Variants in ZNF532 observed in about 807,000 individuals in gnomAD.
ZNF532 encodes zinc finger protein 532.
A neutral mutation model predicts 89.3 loss-of-function variants in ZNF532; 22 were observed. The observed-to-expected ratio is 0.25, with a 90% CI of 0.18 to 0.35. The LOEUF (loss-of-function observed/expected upper bound fraction) is 0.35, where lower values mean the gene tolerates loss of function less well. Ranked by LOEUF, ZNF532 falls within the 10% of genes least tolerant of loss-of-function variation. ZNF532 has a pLI of 1.00. For synonymous variants in ZNF532, 606 were observed against 649.6 expected, an observed-to-expected ratio of 0.93 and a Z score of 1.02; for missense variants, 1,132 against 1,643.4, an observed-to-expected ratio of 0.69 and a Z score of 5.38.
chr18:58,975,298 T>G (rs1470221627), intron 7 of ZNF532, among the ~76,000 whole-genome samples: 1 of 152,138 alleles, frequency 6.6e-6, no homozygotes, highest in South Asian at 2.1e-4. Context: ...GGCTCTTGCA[T>G]GTTGGTGCAA....
intron 2 of ZNF532, among the ~76,000 whole-genome samples, chr18:58,916,111 G>C (rs2060582816): frequency 6.6e-6 from 1 of 152,162 alleles, no homozygotes; most frequent in South Asian, 2.1e-4. Flanking sequence ...TAATCACAGT[G>C]ACCTCCAACT....
intron 2 of ZNF532, among the ~76,000 whole-genome samples, chr18:58,904,918 T>C (rs2059833395): frequency 6.6e-6 from 1 of 151,598 alleles, no homozygotes; most frequent in Non-Finnish European, 1.5e-5. Context: ...CTTCGCTCAC[T>C]GCAACCTCCG....
chr18:58,910,488 A>G (rs1025001458), intron 2 of ZNF532, among the ~76,000 whole-genome samples: 10 of 151,644 alleles, frequency 6.6e-5, no homozygotes, highest in African/African-American at 1.7e-4. Context: ...TTTTTTTGAG[A>G]AAGAGTCTCG....
intron 9 of ZNF532, 29 bp from the exon 10 acceptor site, chr18:58,983,943 T>C (rs2068145605): frequency 6.3e-7 from 1 of 1,582,472 alleles, no homozygotes; most frequent in Non-Finnish European, 8.6e-7. Flanking sequence ...TGGTTTTCAG[T>C]CGTGTCATTT....
At chr18:58,913,433 T>G (rs17756575) in intron 2 of ZNF532, among the ~76,000 whole-genome samples, 30,444 of 151,944 alleles carry the variant, frequency 0.2, 4,105 homozygotes, top group Middle Eastern at 0.37. Flanking sequence ...GATGAAAACA[T>G]GCTAGATCCA....
At chr18:58,963,790 C>CCAG (rs1171971931) in intron 7 of ZNF532, among the ~76,000 whole-genome samples, 1 of 143,410 alleles carries the variant, frequency 7.0e-6, no homozygotes, top group Non-Finnish European at 1.5e-5. Flanking sequence ...TCACTGCACT[C>CCAG]CAGTGTGGGC....
At chr18:58,973,120 CAG>C (rs1420647005) in intron 7 of ZNF532, among the ~76,000 whole-genome samples, 2 of 152,172 alleles carry the variant, frequency 1.3e-5, no homozygotes, top group African/African-American at 4.8e-5. Context: ...TTTTTTGAGA[CAG>C]AGTTTTCACT....
chr18:58,879,242 G>A (rs1244306088), intron 2 of ZNF532, among the ~76,000 whole-genome samples: 1 of 152,144 alleles, frequency 6.6e-6, no homozygotes, highest in Non-Finnish European at 1.5e-5. Context: ...TGTAAAATGC[G>A]ATGCTTTCTA....
intron 3 of ZNF532, among the ~76,000 whole-genome samples, chr18:58,923,172 C>T (rs2061256824): frequency 6.6e-6 from 1 of 152,034 alleles, no homozygotes; most frequent in Non-Finnish European, 1.5e-5. Flanking sequence ...TGCAGCCATC[C>T]ACTCACCTAT....
intron 7 of ZNF532, among the ~76,000 whole-genome samples, chr18:58,960,952 A>G (rs184598507): frequency 1.3e-5 from 2 of 152,356 alleles, no homozygotes; most frequent in East Asian, 3.9e-4. Context: ...TGGCTTAGCT[A>G]AGTTCTATGA....
chr18:58,887,979 T>C (rs549035504), intron 2 of ZNF532, among the ~76,000 whole-genome samples: 15 of 152,336 alleles, frequency 9.8e-5, no homozygotes, highest in African/African-American at 3.6e-4. Context: ...GATTAGAGCT[T>C]TGCGTTCATA....
intron 5 of ZNF532, chr18:58,940,377 T>G (rs576922582): frequency 1.2e-4 from 19 of 152,314 alleles, no homozygotes; most frequent in African/African-American, 3.6e-4. Context: ...AGTCCCTGAT[T>G]AGTAAATTTT....
chr18:58,938,329 C>T (rs2062646974), intron 4 of ZNF532, among the ~76,000 whole-genome samples: 2 of 152,142 alleles, frequency 1.3e-5, no homozygotes, highest in Non-Finnish European at 2.9e-5. Flanking sequence ...ACTTGGTCAT[C>T]AAGTGGAGGT....
intron 7 of ZNF532, among the ~76,000 whole-genome samples, chr18:58,971,001 C>T (rs544767039): frequency 1.3e-5 from 2 of 152,318 alleles, no homozygotes; most frequent in South Asian, 2.1e-4. Flanking sequence ...CGGTGCGACA[C>T]GTTTCTTTGC....
intron 3 of ZNF532, among the ~76,000 whole-genome samples, chr18:58,924,588 T>G (rs2061383587): frequency 6.6e-6 from 1 of 152,210 alleles, no homozygotes; most frequent in South Asian, 2.1e-4. Flanking sequence ...CCTTTTTCTT[T>G]TGAGATAATT....
At chr18:58,948,340 G>A in intron 6 of ZNF532, 111 bp downstream of exon 6, 11 of 1,139,066 alleles carry the variant, frequency 9.7e-6, no homozygotes, top group Non-Finnish European at 1.2e-5. Context: ...TCGAGGGAAG[G>A]GATGGATGCT....
intron 2 of ZNF532, among the ~76,000 whole-genome samples, chr18:58,899,263 C>T (rs1428529680): frequency 6.6e-6 from 1 of 152,188 alleles, no homozygotes; most frequent in African/African-American, 2.4e-5. Context: ...ATACAAGATG[C>T]TCAGATAAAC....
intron 2 of ZNF532, among the ~76,000 whole-genome samples, chr18:58,897,340 A>G (rs1286097807): frequency 6.6e-6 from 1 of 152,186 alleles, no homozygotes; most frequent in African/African-American, 2.4e-5. Flanking sequence ...TTCTAAATGC[A>G]TTGAGGTTGG....
At chr18:58,924,730 A>G (rs779945119) in intron 3 of ZNF532, among the ~76,000 whole-genome samples, 11 of 152,262 alleles carry the variant, frequency 7.2e-5, no homozygotes, top group Non-Finnish European at 1.5e-4. Context: ...GTCAAGATAC[A>G]GAGCTTTTCC....
Sources: allele counts gnomAD v4.1 joint callset (sites outside exome capture counted in the v4.1 genomes callset), GRCh38; gene constraint gnomAD v4.1.1; transcripts MANE v1.5; gene names NCBI Gene and HGNC (gene_info 2026-07-23, HGNC 2026-07-21).